Variants in LMTK2 observed in about 807,000 individuals in gnomAD.
LMTK2 encodes the protein serine/threonine-protein kinase LMTK2.
Under a neutral mutation model 127.5 loss-of-function variants are expected in LMTK2, and 37 were observed. The observed-to-expected ratio is 0.29, with a 90% CI of 0.22 to 0.38. The LOEUF (loss-of-function observed/expected upper bound fraction) is 0.38. Ranked by LOEUF, LMTK2 falls within the 10% of genes least tolerant of loss-of-function variation. The pLI, the probability that LMTK2 is intolerant of heterozygous loss-of-function variation, is 1.00. For synonymous variants in LMTK2, 819 were observed against 810.1 expected, an observed-to-expected ratio of 1.01 and a Z score of -0.19; for missense variants, 1,694 against 1,920.3, an observed-to-expected ratio of 0.88 and a Z score of 2.20.
intron 3 of LMTK2, among the ~76,000 whole-genome samples, chr7:98,145,450 A>T (rs1413815062): frequency 6.6e-6 from 1 of 152,142 alleles, no homozygotes; most frequent in Admixed American, 6.5e-5. Flanking sequence ...GATTAAAATA[A>T]TACCTTTTTA....
At chr7:98,196,420 A>G (rs1056721792) in intron 11 of LMTK2, among the ~76,000 whole-genome samples, 5 of 152,296 alleles carry the variant, frequency 3.3e-5, no homozygotes, top group South Asian at 2.1e-4. Context: ...TTTGTTTTCA[A>G]TGCATCCACA....
At chr7:98,148,347 G>T (rs2116381600) in intron 3 of LMTK2, among the ~76,000 whole-genome samples, 1 of 151,948 alleles carries the variant, frequency 6.6e-6, no homozygotes, top group South Asian at 2.1e-4. Context: ...AAAAAAGTTA[G>T]CCGGGCATGG....
chr7:98,136,008 G>C (rs1043729944), intron 1 of LMTK2, among the ~76,000 whole-genome samples: 1 of 151,986 alleles, frequency 6.6e-6, no homozygotes, highest in African/African-American at 2.4e-5. Flanking sequence ...GAGCTCCTTG[G>C]AGCAATGGCT....
intron 6 of LMTK2, 138 bp downstream of exon 6, chr7:98,159,563 T>C: frequency 1.5e-6 from 1 of 662,364 alleles, no homozygotes; most frequent in East Asian, 2.8e-5. Flanking sequence ...GTTACTTTTA[T>C]TCCCTTTGGT....
intron 3 of LMTK2, among the ~76,000 whole-genome samples, chr7:98,142,031 G>A (rs1796707074): frequency 6.6e-6 from 1 of 152,036 alleles, no homozygotes; most frequent in Admixed American, 6.5e-5. Flanking sequence ...AATAGAATGT[G>A]ACTATAGTTT....
At position 98,191,512 on chromosome 7, in the gene LMTK2, A is replaced by C. The variant is rs937811839; in HGVS notation, c.1149-102A>C. On this transcript the variant is annotated intron_variant, in intron 10 of 13. Transcript: ENST00000297293. ...GGTTGCAGTGAGCCGGGATCATGCC[A>C]CTGCACTCCAGACTGGGTGACAGAG... 3.3e-6 allele frequency: 3 copies of C among 896,130 alleles called. No homozygotes were observed. The South Asian group carries it at 5.4e-5, about 16-fold the overall frequency. The allele number at this position is 896,130 out of a possible 1,614,324, so 55.5% of individuals were successfully genotyped here. A position where few individuals can be genotyped will look rare whatever the true frequency, so the allele number is the denominator to read the frequency against.
intron 7 of LMTK2, among the ~76,000 whole-genome samples, chr7:98,172,028 G>C (rs1445098117): frequency 1.3e-5 from 2 of 152,164 alleles, no homozygotes; most frequent in Non-Finnish European, 2.9e-5. Flanking sequence ...CCACCCGCCC[G>C]GTTTCATGGT....
intron 9 of LMTK2, among the ~76,000 whole-genome samples, chr7:98,189,187 C>T (rs1401453550): frequency 1.3e-5 from 2 of 152,106 alleles, no homozygotes; most frequent in African/African-American, 4.8e-5. Context: ...CTGTAGTGTC[C>T]ACGGTGAGCA....
At chr7:98,168,317 C>T (rs2116416434) in intron 6 of LMTK2, among the ~76,000 whole-genome samples, 1 of 152,264 alleles carries the variant, frequency 6.6e-6, no homozygotes, top group Admixed American at 6.5e-5. Context: ...GTTATGGATG[C>T]CAGTGGGCGG....
intron 6 of LMTK2, among the ~76,000 whole-genome samples, chr7:98,170,360 C>T (rs978924227): frequency 6.6e-6 from 1 of 152,052 alleles, no homozygotes; most frequent in Non-Finnish European, 1.5e-5. Flanking sequence ...TTGGAGTGGA[C>T]CTAGAAGTTA....
Position 98,193,511 on chromosome 7 carries a change from C to T in LMTK2, c.3046C>T (p.His1016Tyr), listed in dbSNP as rs767936142. The T allele has an allele frequency of 6.2e-7, 1 of 1,614,030 alleles. No individual in the cohort carries two copies. Among genetic ancestry groups the T allele is most frequent in the African/African-American group, 1.3e-5 (1 of 74,890 alleles). The change falls in exon 11 of 14, where the codon CAC (histidine) becomes TAC (tyrosine). Residue 1016 changes from histidine (H) to tyrosine (Y), a missense_variant. His to Tyr is a moderately conservative substitution (Grantham distance 83, BLOSUM62 2). Coordinates refer to ENST00000297293, the MANE Select transcript of LMTK2 (RefSeq NM_014916.4). This position sits in a 1 kb window ranked among gnomAD's most constrained non-coding sequence, Gnocchi z 4.1. ...AGCGCTACTGGACTCTTTAGGATCT[C>T]ACACTCCCCAGAAACTAGTGCCCCC... The part of the protein sequence containing the change: ...HEALLDSLGS[H>Y]TPQKLVPPDK...
intron 6 of LMTK2, among the ~76,000 whole-genome samples, chr7:98,162,792 G>A (rs918434348): frequency 2.0e-5 from 3 of 152,322 alleles, no homozygotes; most frequent in Admixed American, 1.3e-4. Flanking sequence ...AGAAGTGAAA[G>A]CAGGCCCTCA....
Position 98,127,505 on chromosome 7 carries a change from A to G in LMTK2, c.104-9810A>G, listed in dbSNP as rs1796460279. On this transcript the variant is annotated intron_variant, in intron 1 of 13. Transcript: ENST00000297293. Reference sequence around the variant, plus strand: ...TCTCCTATGCAAATTCCCTGAGGCAAGAGGGTCTGGGCAAAACAGAAAACA... The same window carrying G: ...TCTCCTATGCAAATTCCCTGAGGCAGGAGGGTCTGGGCAAAACAGAAAACA... 2.0e-5 allele frequency among the ~76,000 whole-genome samples: 3 copies of G among 152,190 alleles called. No homozygotes were observed. The South Asian group carries it at 6.2e-4, about 31-fold the overall frequency.
intron 7 of LMTK2, among the ~76,000 whole-genome samples, chr7:98,174,694 A>G (rs1312544217): frequency 6.6e-6 from 1 of 152,196 alleles, no homozygotes; most frequent in Non-Finnish European, 1.5e-5. Flanking sequence ...ATTGTGTACA[A>G]AAGAACCTCT....
In LMTK2 at chr7:98,204,201, G is replaced by A. The variant is rs373228973; in HGVS notation, c.4483+15G>A. The A allele has an allele frequency of 2.2e-4, 357 of 1,595,576 alleles. 1 individual carries two copies. The South Asian group carries it at 3.5e-3, about 16-fold the overall frequency. ...CGAGCAGGGCGGTGAGAGGCGCTGC[G>A]TGCTGGGGATTGGGAGTGCAGGGTC... On this transcript the variant is annotated intron_variant, in intron 13 of 13. Coordinates refer to ENST00000297293, the MANE Select transcript of LMTK2 (RefSeq NM_014916.4).
At chr7:98,182,560 C>T (rs942408356) in intron 7 of LMTK2, among the ~76,000 whole-genome samples, 10 of 152,186 alleles carry the variant, frequency 6.6e-5, no homozygotes, top group African/African-American at 2.4e-4. Flanking sequence ...ATTAGGATGG[C>T]TACTATCAAC....
chr7:98,157,680 A>G (rs1440694247), intron 5 of LMTK2, among the ~76,000 whole-genome samples: 1 of 151,992 alleles, frequency 6.6e-6, no homozygotes, highest in East Asian at 1.9e-4. Context: ...TGACACATGG[A>G]ACACCTTGGA....
Position 98,171,305 on chromosome 7 carries a change from T to A in LMTK2, c.658-236T>A, listed in dbSNP as rs1797187027. On this transcript the variant is annotated intron_variant, in intron 6 of 13. Transcript: ENST00000297293. The surrounding 1 kb of genome is among the most constrained non-coding windows in gnomAD (Gnocchi z 5.1). ...GCATCATTGCAAAACTATCTTTTTTTAAACTGTTTTGTGTTCCATGTGTTT... is the reference window on the plus strand; with the variant it reads ...GCATCATTGCAAAACTATCTTTTTTAAAACTGTTTTGTGTTCCATGTGTTT... 1.3e-5 allele frequency among the ~76,000 whole-genome samples: 2 copies of A among 152,212 alleles called. No individual in the cohort carries two copies. Among genetic ancestry groups the A allele is most frequent in the African/African-American group, 2.4e-5 (1 of 41,454 alleles).
intron 11 of LMTK2, among the ~76,000 whole-genome samples, chr7:98,199,933 C>T (rs889108428): frequency 3.3e-5 from 5 of 152,126 alleles, no homozygotes; most frequent in Non-Finnish European, 7.4e-5. Context: ...TCTGAAAAAT[C>T]TGCCTTTTAA....
Sources: allele counts gnomAD v4.1 joint callset (sites outside exome capture counted in the v4.1 genomes callset), GRCh38; gene constraint gnomAD v4.1.1; non-coding constraint Gnocchi (gnomAD v3.1); transcripts MANE v1.5; gene names NCBI Gene and HGNC (gene_info 2026-07-23, HGNC 2026-07-21).